The following SEMA5A variants were observed in gnomAD, a reference collection of about 807,000 sequenced individuals.
The protein encoded by SEMA5A is semaphorin-5A.
Under a neutral mutation model 135.5 loss-of-function variants are expected in SEMA5A, and 55 were observed. That is an observed-to-expected ratio of 0.41 (90% CI 0.33 to 0.51). The LOEUF is 0.51. Among genes scored for constraint, SEMA5A ranks in the 20% least tolerant of loss-of-function variants. The probability of loss-of-function intolerance (pLI) is 0.37; values close to 1 mark genes in which losing one functional copy is unlikely to be tolerated. For synonymous variants in SEMA5A, 580 were observed against 546.5 expected, an observed-to-expected ratio of 1.06 and a Z score of -0.85; for missense variants, 1,290 against 1,419.9, an observed-to-expected ratio of 0.91 and a Z score of 1.47.
At chr5:9,074,599 A>C (rs1375587508) in intron 16 of SEMA5A, among the ~76,000 whole-genome samples, 1 of 152,224 alleles carries the variant, frequency 6.6e-6, no homozygotes, top group Non-Finnish European at 1.5e-5. Context: ...TGTATCTGAT[A>C]AAAAGACTTG....
intron 13 of SEMA5A, among the ~76,000 whole-genome samples, chr5:9,132,709 G>A (rs1408899360): frequency 6.6e-6 from 1 of 152,168 alleles, no homozygotes; most frequent in Non-Finnish European, 1.5e-5. Flanking sequence ...CAAGGTTTGT[G>A]AAAGTTTACT....
At chr5:9,353,234 A>G (rs866953800) in intron 3 of SEMA5A, among the ~76,000 whole-genome samples, 33 of 136,352 alleles carry the variant, frequency 2.4e-4, no homozygotes, top group African/African-American at 8.0e-4. Flanking sequence ...AGGAAAGGAA[A>G]GGAAGGAAAG....
rs897683303 is a variant in SEMA5A, at chr5:9,366,396, T to TA, written c.124+13426_124+13427insT. 1.1e-4 allele frequency among the ~76,000 whole-genome samples: 16 copies of TA among 152,012 alleles called. No individual in the cohort carries two copies. In the East Asian group the frequency reaches 2.9e-3, roughly 27 times the overall value. On this transcript the variant is annotated intron_variant, in intron 3 of 22. Transcript: ENST00000382496. ...TTGCTCCTGCAATAAAGAATTCTTT[T>TA]TTTTTTTTTTTAGATGGAGTCTCGC...
rs1745039779 is a variant in SEMA5A at position 9,190,417 on chromosome 5, C to A, written c.1123G>T (p.Asp375Tyr). 3.1e-6 allele frequency: 5 copies of A among 1,613,968 alleles called. No homozygotes were observed. Among genetic ancestry groups the A allele is most frequent in the Non-Finnish European group, 1.7e-6 (2 of 1,180,020 alleles). The change falls in exon 11 of 23, where the codon GAT (aspartate) becomes TAT (tyrosine). Residue 375 changes from aspartate (D) to tyrosine (Y), a missense_variant. Asp to Tyr is a radical substitution (Grantham distance 160). Around this residue, in one of 3 missense-constraint regions of SEMA5A, gnomAD observed 1,029 missense variants for 1,086.6 expected, o/e 0.95. Transcript: ENST00000382496. ...YVNLTERNLQ[D>Y]AQKFILMHEV... ...TGCATCAGAATGAACTTCTGAGCAT[C>A]CTGCAGATTTCTCTCGGTCAGGTTC...
intron 2 of SEMA5A, among the ~76,000 whole-genome samples, chr5:9,392,080 A>G (rs1485845007): frequency 6.6e-6 from 1 of 152,080 alleles, no homozygotes; most frequent in African/African-American, 2.4e-5. Flanking sequence ...TAGATCCTAG[A>G]TCTTTTTCTA....
chr5:9,177,740 G>A (rs957319040), intron 11 of SEMA5A, among the ~76,000 whole-genome samples: 1 of 152,290 alleles, frequency 6.6e-6, no homozygotes, highest in East Asian at 1.9e-4. Flanking sequence ...CATCTCACAG[G>A]TTACTAGGGT....
chr5:9,074,605 A>G (rs1177523450), intron 16 of SEMA5A, among the ~76,000 whole-genome samples: 2 of 152,228 alleles, frequency 1.3e-5, no homozygotes, highest in African/African-American at 4.8e-5. Flanking sequence ...TGATAAAAAG[A>G]CTTGCACCCA....
At chr5:9,159,069 G>A (rs531328345) in intron 11 of SEMA5A, among the ~76,000 whole-genome samples, 1 of 152,128 alleles carries the variant, frequency 6.6e-6, no homozygotes, top group South Asian at 2.1e-4. Flanking sequence ...GCTATATATG[G>A]CAGCCCTATT....
rs1219271341 is a variant in SEMA5A at position 9,536,472 on chromosome 5, G to A, written c.-175+9112C>T. 2.0e-5 allele frequency among the ~76,000 whole-genome samples: 3 copies of A among 152,162 alleles called. No homozygotes were observed. The East Asian group carries it at 5.8e-4, about 29-fold the overall frequency. Reference sequence around the variant, plus strand: ...TACTAAAAATACAAAAATTAGCTGGGCATGATGGTGCATGCTTGTATTCCC... The same window carrying A: ...TACTAAAAATACAAAAATTAGCTGGACATGATGGTGCATGCTTGTATTCCC... On this transcript the variant is annotated intron_variant, in intron 1 of 22. Transcript: ENST00000382496.
At chr5:9,053,232 A>G (rs1165983178) in intron 19 of SEMA5A, among the ~76,000 whole-genome samples, 3 of 152,200 alleles carry the variant, frequency 2.0e-5, no homozygotes, top group Non-Finnish European at 2.9e-5. Flanking sequence ...TGCATCAGCC[A>G]CAGGGAGCTT....
At chr5:9,177,837 G>T (rs956750713) in intron 11 of SEMA5A, among the ~76,000 whole-genome samples, 2 of 152,114 alleles carry the variant, frequency 1.3e-5, no homozygotes, top group African/African-American at 4.8e-5. Flanking sequence ...GGACACACGG[G>T]GACACATGTC....
chr5:9,248,979 C>T (rs1748629961), intron 5 of SEMA5A, among the ~76,000 whole-genome samples: 1 of 152,166 alleles, frequency 6.6e-6, no homozygotes. Flanking sequence ...CTAATACATA[C>T]ATACATACAC....
chr5:9,375,780 C>T (rs1327190847), intron 3 of SEMA5A, among the ~76,000 whole-genome samples: 1 of 151,666 alleles, frequency 6.6e-6, no homozygotes, highest in Non-Finnish European at 1.5e-5. Flanking sequence ...GCCTTGAACA[C>T]TCTGCAGTAT....
At position 9,123,258 on chromosome 5, in the gene SEMA5A, C is replaced by CAAAAA. The variant is rs57533658; in HGVS notation, c.1600-426_1600-422dup. ...TGAGGGAAGGAGCGAGACTCCGCCTCAAAAAAAAAAAAAAAAAAAAAAAAA... is the reference window on the plus strand; with the variant it reads ...TGAGGGAAGGAGCGAGACTCCGCCTCAAAAAAAAAAAAAAAAAAAAAAAAAAAAAA... On this transcript the variant is annotated intron_variant, in intron 13 of 22. Transcript: ENST00000382496. Among the ~76,000 whole-genome samples the CAAAAA allele has an allele frequency of 1.8e-3, 71 of 38,944 alleles. 11 individuals carry two copies. The highest frequency in any genetic ancestry group is 3.7e-3 in the Non-Finnish European group (58 of 15,802). The allele number at this position is 38,944 out of a possible 152,430, so 25.5% of individuals were successfully genotyped here.
chr5:9,438,745 G>A (rs166536), intron 1 of SEMA5A, among the ~76,000 whole-genome samples: 1 of 152,136 alleles, frequency 6.6e-6, no homozygotes, highest in East Asian at 1.9e-4. Context: ...ATTCTTCCTC[G>A]CCACCCTGAA....
chr5:9,353,912 A>G (rs765045), intron 3 of SEMA5A, among the ~76,000 whole-genome samples: 3,236 of 152,044 alleles, frequency 0.021, 104 homozygotes, highest in African/African-American at 0.073. Flanking sequence ...TTGCTTTGGT[A>G]TCAGCAGCCC....
intron 3 of SEMA5A, among the ~76,000 whole-genome samples, chr5:9,352,029 C>T (rs756819609): frequency 5.3e-4 from 80 of 150,872 alleles, no homozygotes; most frequent in South Asian, 1.5e-3. Context: ...ATCAGGATTC[C>T]ATCCTGTCTG....
chr5:9,193,793 G>C (rs531881278), intron 10 of SEMA5A, among the ~76,000 whole-genome samples: 1 of 152,196 alleles, frequency 6.6e-6, no homozygotes, highest in African/African-American at 2.4e-5. Context: ...AGATACTTGG[G>C]AGGCTGAGGC....
Position 9,394,411 on chromosome 5 carries a change from G to A in SEMA5A, c.-77-14388C>T, listed in dbSNP as rs142745177. On this transcript the variant is annotated intron_variant, in intron 2 of 22. Coordinates refer to ENST00000382496, the MANE Select transcript of SEMA5A (RefSeq NM_003966.3). ...TCCATGGCCCTCAGCACGCCCTGCC[G>A]TGGAGTCTGGCTTCCTGTGATGTGG... 3.6e-3 allele frequency among the ~76,000 whole-genome samples: 547 copies of A among 152,294 alleles called. 2 individuals carry two copies. Among genetic ancestry groups the A allele is most frequent in the Non-Finnish European group, 6.2e-3 (420 of 68,024 alleles).
Sources: allele counts gnomAD v4.1 joint callset (sites outside exome capture counted in the v4.1 genomes callset), GRCh38; gene constraint gnomAD v4.1.1; regional missense constraint gnomAD v4.1.1; transcripts MANE v1.5; gene names NCBI Gene and HGNC (gene_info 2026-07-23, HGNC 2026-07-21).